TRDN: variants seen among roughly 807,000 people sequenced by gnomAD.
The protein encoded by TRDN is triadin.
Under a neutral mutation model 149.7 loss-of-function variants are expected in TRDN, and 161 were observed. The observed-to-expected ratio is 1.08, with a 90% CI of 0.95 to 1.23. The LOEUF is 1.23. Among genes scored for constraint, TRDN ranks in the 50% most tolerant of loss-of-function variants. The pLI, the probability that TRDN is intolerant of heterozygous loss-of-function variation, is 0.00. For missense variants in TRDN, 896 were observed against 823.5 expected, an observed-to-expected ratio of 1.09 and a Z score of -1.08; for synonymous variants, 294 against 250.5, an observed-to-expected ratio of 1.17 and a Z score of -1.64.
chr6:123,386,047 T>C (rs760004118), intron 14 of TRDN, among the ~76,000 whole-genome samples: 1 of 152,194 alleles, frequency 6.6e-6, no homozygotes, highest in Non-Finnish European at 1.5e-5. Context: ...GGTGCGTGCA[T>C]AGAATATATA....
intron 12 of TRDN, among the ~76,000 whole-genome samples, chr6:123,395,201 CTCTTA>C (rs1481822685): frequency 1.3e-5 from 2 of 151,850 alleles, no homozygotes; most frequent in Non-Finnish European, 2.9e-5. Flanking sequence ...GCCAATTTTC[CTCTTA>C]TCTTCTCCTT....
intron 40 of TRDN, among the ~76,000 whole-genome samples, chr6:123,219,388 C>T (rs1195606685): frequency 3.3e-5 from 5 of 151,732 alleles, no homozygotes; most frequent in South Asian, 2.1e-4. Flanking sequence ...TAAAAGATGG[C>T]GAGTTTAGCA....
intron 13 of TRDN, among the ~76,000 whole-genome samples, chr6:123,391,698 C>T (rs766475434): frequency 2.0e-5 from 3 of 151,800 alleles, no homozygotes; most frequent in Non-Finnish European, 4.4e-5. Flanking sequence ...TATATACATA[C>T]ATATGTATGG....
intron 32 of TRDN, among the ~76,000 whole-genome samples, chr6:123,267,431 C>T (rs1172206854): frequency 1.3e-5 from 2 of 152,008 alleles, no homozygotes; most frequent in Non-Finnish European, 2.9e-5. Flanking sequence ...ATACTGACAA[C>T]AGTGAAATAC....
intron 18 of TRDN, among the ~76,000 whole-genome samples, chr6:123,376,366 T>G (rs1781503895): frequency 6.6e-6 from 1 of 152,296 alleles, no homozygotes; most frequent in Admixed American, 6.5e-5. Context: ...TATGAAATGC[T>G]GAAATGTGCA....
intron 18 of TRDN, among the ~76,000 whole-genome samples, chr6:123,377,075 C>A (rs896041754): frequency 6.6e-6 from 1 of 152,132 alleles, no homozygotes. Context: ...TCCACAGCAA[C>A]TGCACTTTTA....
chr6:123,508,021 C>T (rs1779010340), intron 7 of TRDN, among the ~76,000 whole-genome samples: 1 of 151,804 alleles, frequency 6.6e-6, no homozygotes, highest in South Asian at 2.1e-4. Context: ...CTGTAACTGC[C>T]TCTTCCTCTA....
intron 1 of TRDN, among the ~76,000 whole-genome samples, chr6:123,585,799 G>A (rs1400862067): frequency 3.3e-5 from 5 of 152,090 alleles, no homozygotes; most frequent in South Asian, 2.1e-4. Flanking sequence ...GCCCGCTGTG[G>A]TTCAGGCATT....
At chr6:123,584,206 T>C (rs1783296111) in intron 1 of TRDN, among the ~76,000 whole-genome samples, 2 of 152,056 alleles carry the variant, frequency 1.3e-5, no homozygotes, top group African/African-American at 4.8e-5. Context: ...ACAATGGTAA[T>C]TGTGGGACTT....
chr6:123,393,003 A>G (rs909058123), intron 13 of TRDN, among the ~76,000 whole-genome samples: 2 of 152,234 alleles, frequency 1.3e-5, no homozygotes, highest in African/African-American at 2.4e-5. Context: ...AGTGTGTTCC[A>G]TAAAGTTTTG....
intron 20 of TRDN, among the ~76,000 whole-genome samples, chr6:123,354,090 T>C (rs1780568199): frequency 6.6e-6 from 1 of 151,836 alleles, no homozygotes; most frequent in Admixed American, 6.6e-5. Flanking sequence ...TTTCCAGAAC[T>C]GATTTATTAC....
intron 5 of TRDN, chr6:123,528,595 A>C: frequency 1.0e-6 from 1 of 975,150 alleles, no homozygotes; most frequent in South Asian, 4.7e-5. Flanking sequence ...ATAATAACTT[A>C]AATTCCTAAC....
intron 8 of TRDN, chr6:123,503,001 C>A (rs1487025472): frequency 1.0e-6 from 1 of 985,196 alleles, no homozygotes; most frequent in African/African-American, 1.7e-5. Flanking sequence ...ATTCACATAG[C>A]AACCTTCCAT....
Position 123,265,794 on chromosome 6 carries a change from G to A in TRDN, c.1784-456C>T, listed in dbSNP as rs147510701. 1.8e-4 allele frequency among the ~76,000 whole-genome samples: 18 copies of A among 102,786 alleles called. No individual in the cohort carries two copies. In the East Asian group the frequency reaches 6.8e-3, roughly 39 times the overall value. The allele number at this position is 102,786 out of a possible 152,430, so 67.4% of individuals were successfully genotyped here. ...AATTTATACTAACTCTCCCAATCCC[G>A]TATGTTGAACAATAAGGTTCCTTTA... On this transcript the variant is annotated intron_variant, in intron 32 of 40. Transcript: ENST00000334268.
At chr6:123,483,066 TTTATTATTATTATTA>T (rs71021451) in intron 9 of TRDN, among the ~76,000 whole-genome samples, 1,413 of 133,358 alleles carry the variant, frequency 0.011, 18 homozygotes, top group African/African-American at 0.028. Context: ...TGATTTCTCA[TTTATTATTATTATTA>T]TTATTATTAT....
chr6:123,231,777 C>T (rs1423660653), intron 38 of TRDN, among the ~76,000 whole-genome samples: 1 of 151,784 alleles, frequency 6.6e-6, no homozygotes, highest in Non-Finnish European at 1.5e-5. Context: ...AGAGGAGAAA[C>T]AGTAAAAGCC....
At chr6:123,340,558 C>A (rs187079465) in intron 21 of TRDN, among the ~76,000 whole-genome samples, 5 of 152,034 alleles carry the variant, frequency 3.3e-5, no homozygotes, top group Admixed American at 2.6e-4. Flanking sequence ...TATAAAGAAC[C>A]AAATTCAAAA....
intron 14 of TRDN, among the ~76,000 whole-genome samples, chr6:123,385,899 T>A (rs1045692629): frequency 6.6e-6 from 1 of 151,984 alleles, no homozygotes; most frequent in Non-Finnish European, 1.5e-5. Context: ...GATTATAACT[T>A]CCCAAACCTA....
At position 123,576,303 on chromosome 6, in the gene TRDN, T is replaced by G. The variant is rs138692718; in HGVS notation, c.23-5171A>C. ...AAATGTTTTTTACCAATTCTAGTGT[T>G]TACAAAATGTAAACTAGTCTCTGGA... is the stretch of plus-strand genomic sequence containing the variant. On this transcript the variant is annotated intron_variant, in intron 1 of 40. Coordinates refer to ENST00000334268, the MANE Select transcript of TRDN (RefSeq NM_006073.4). Among the ~76,000 whole-genome samples the G allele has an allele frequency of 1.1e-4, 16 of 152,186 alleles. No individual in the cohort carries two copies. The East Asian group carries it at 2.9e-3, about 28-fold the overall frequency.
Sources: allele counts gnomAD v4.1 joint callset (sites outside exome capture counted in the v4.1 genomes callset), GRCh38; gene constraint gnomAD v4.1.1; transcripts MANE v1.5; gene names NCBI Gene and HGNC (gene_info 2026-07-23, HGNC 2026-07-21).